The following KANSL1L variants were observed in gnomAD, a reference collection of about 807,000 sequenced individuals.
The protein encoded by KANSL1L is KAT8 regulatory NSL complex subunit 1 like, also known as KAT8 regulatory NSL complex subunit 1-like protein.
In KANSL1L, 25 loss-of-function variants were observed where a neutral mutation model predicts 108.6. The observed-to-expected ratio is 0.23, with a 90% CI of 0.17 to 0.32. The LOEUF (loss-of-function observed/expected upper bound fraction) is 0.32, where lower values mean the gene tolerates loss of function less well. KANSL1L is among the 10% of genes least tolerant of loss of function. The pLI is 1.00. For synonymous variants in KANSL1L, 405 were observed against 395.1 expected, an observed-to-expected ratio of 1.03 and a Z score of -0.30; for missense variants, 1,137 against 1,125.7, an observed-to-expected ratio of 1.01 and a Z score of -0.14.
At chr2:210,056,357 A>G (rs553226416) in intron 6 of KANSL1L, among the ~76,000 whole-genome samples, 1 of 152,308 alleles carries the variant, frequency 6.6e-6, no homozygotes, top group South Asian at 2.1e-4. Context: ...CAAAAGTAAT[A>G]CTTTTATCAT....
intron 5 of KANSL1L, chr2:210,096,578 T>C (rs1263023461): frequency 3.0e-6 from 3 of 984,960 alleles, no homozygotes; most frequent in Non-Finnish European, 3.6e-6. Flanking sequence ...CAAAGTATTA[T>C]CTAAAATGGG....
intron 6 of KANSL1L, among the ~76,000 whole-genome samples, chr2:210,071,485 T>C (rs2125314357): frequency 6.6e-6 from 1 of 152,098 alleles, no homozygotes; most frequent in Non-Finnish European, 1.5e-5. Context: ...GCCAGGCTGG[T>C]TTCAAACTCC....
chr2:210,063,819 G>C (rs923034296), intron 6 of KANSL1L: 1 of 152,140 alleles, frequency 6.6e-6, no homozygotes, highest in African/African-American at 2.4e-5. Context: ...TATTTCGAAT[G>C]AGACTTTGGA....
rs1296420149 is a variant in KANSL1L, at chr2:210,075,543, C to T, written c.1755+9G>A. 6.3e-7 allele frequency: 1 copy of T among 1,589,658 alleles called. No individual in the cohort carries two copies. The highest frequency in any genetic ancestry group is 8.6e-7 in the Non-Finnish European group (1 of 1,159,250). ...TTTGATCATGTTTTCTTCCCAAAGG[C>T]AGCCTTACCTGTGGAGTCCAATAAA... On this transcript the variant is annotated intron_variant, in intron 6 of 14. Transcript: ENST00000281772.
intron 3 of KANSL1L, among the ~76,000 whole-genome samples, chr2:210,112,167 T>C (rs1175646809): frequency 3.3e-5 from 5 of 152,198 alleles, no homozygotes; most frequent in African/African-American, 1.2e-4. Flanking sequence ...AAGTCTTTGC[T>C]ATTGTGAATA....
rs71043966 is a variant in KANSL1L, at chr2:210,022,612, G to GTA, written c.*335_*336dup. ...TTGGCACACAGGTTTGTATGTATGT[G>GTA]TATATATATATGTATGTATGTATGG... On this transcript the variant is annotated 3_prime_UTR_variant, in exon 15 of 15. Coordinates refer to ENST00000281772, the MANE Select transcript of KANSL1L (RefSeq NM_152519.4). 21,341 of 237,792 alleles carry GTA rather than the reference G, an allele frequency of 0.09. 1,087 individuals are homozygous for GTA. Among genetic ancestry groups the GTA allele is most frequent in the African/African-American group, 0.15 (6,466 of 43,406 alleles). The allele number at this position is 237,792 out of a possible 1,614,324, so 14.7% of individuals were successfully genotyped here.
At chr2:210,093,888 A>T (rs1209095748) in intron 5 of KANSL1L, among the ~76,000 whole-genome samples, 10 of 152,162 alleles carry the variant, frequency 6.6e-5, no homozygotes, top group Admixed American at 6.5e-4. Context: ...TTCAGCCTTA[A>T]AAAGGGAATT....
intron 5 of KANSL1L, among the ~76,000 whole-genome samples, chr2:210,078,138 T>C (rs187481923): frequency 6.6e-6 from 1 of 152,302 alleles, no homozygotes; most frequent in Admixed American, 6.5e-5. Flanking sequence ...TGTAGGCAAC[T>C]GTAACATGAT....
intron 6 of KANSL1L, among the ~76,000 whole-genome samples, chr2:210,063,255 A>T (rs767205032): frequency 1.6e-4 from 24 of 152,182 alleles, no homozygotes; most frequent in Non-Finnish European, 2.8e-4. Context: ...ATTTCAGAAG[A>T]TGTATGGAAA....
Position 210,104,173 on chromosome 2 carries a change from A to T in KANSL1L, c.1359T>A (p.Pro453=), listed in dbSNP as rs748305655. Residue 453 remains proline, a synonymous_variant, in exon 4 of 15, where the codon CCT becomes CCA. Transcript: ENST00000281772. ...NPQVPQECQD[P]VPEQDFEMSP... ...ACATTTCAAAATCTTGTTCCGGTAC[A>T]GGATCTTGACACTCCTGGGGAACCT... is the stretch of plus-strand genomic sequence containing the variant. The T allele has an allele frequency of 6.2e-6, 10 of 1,613,934 alleles. No individual in the cohort carries two copies. Among genetic ancestry groups the T allele is most frequent in the Non-Finnish European group, 8.5e-6 (10 of 1,179,932 alleles).
At chr2:210,089,144 T>C (rs1409826257) in intron 5 of KANSL1L, 1 of 152,234 alleles carries the variant, frequency 6.6e-6, no homozygotes, top group East Asian at 1.9e-4. Flanking sequence ...AAGAAGGCAA[T>C]GTGTAATACA....
chr2:210,040,556 T>G, intron 7 of KANSL1L, 29 bp from the exon 8 acceptor site: 9 of 1,013,206 alleles, frequency 8.9e-6, no homozygotes, highest in Non-Finnish European at 1.3e-5. Flanking sequence ...AAAGGTATTT[T>G]CAAATACCAC....
At chr2:210,025,367 C>A in intron 12 of KANSL1L, 151 bp from the exon 13 acceptor site, 1 of 493,816 alleles carries the variant, frequency 2.0e-6, no homozygotes, top group East Asian at 3.9e-5. Flanking sequence ...CCAGCCTGGC[C>A]AAGATGGTGA....
At chr2:210,028,662 A>G in intron 11 of KANSL1L, 183 bp downstream of exon 11, 1 of 474,654 alleles carries the variant, frequency 2.1e-6, no homozygotes. Flanking sequence ...AAACTGAGAA[A>G]TAAAGTTGTG....
chr2:210,154,754 AT>A, intron 1 of KANSL1L, 143 bp from the exon 2 acceptor site: 1 of 442,826 alleles, frequency 2.3e-6, no homozygotes, highest in Non-Finnish European at 3.8e-6. Flanking sequence ...TCCCAACATT[AT>A]TTCAACAAAG....
At chr2:210,122,509 C>T (rs966069931) in intron 3 of KANSL1L, among the ~76,000 whole-genome samples, 1 of 152,110 alleles carries the variant, frequency 6.6e-6, no homozygotes, top group African/African-American at 2.4e-5. Flanking sequence ...CATTTCTTGC[C>T]ATATACAAAA....
Position 210,024,088 on chromosome 2 carries a change from T to G in KANSL1L, c.2678A>C (p.Asn893Thr). ...AASPPGLPSENQDLCAYGLPS... is the reference protein window; with the variant it reads ...AASPPGLPSETQDLCAYGLPS... The stretch of plus-strand genomic sequence containing the variant: ...TAAGCCATATGCACACAGATCCTGG[T>G]TCTCTGAAGGAAGCCCAGGAGGACT... Residue 893 changes from asparagine to threonine, a missense_variant, in exon 14 of 15, where the codon AAC becomes ACC. Asn to Thr is a moderately conservative substitution (Grantham distance 65). This residue lies in a region of KANSL1L where 575 missense variants were observed against 567.1 expected (regional missense o/e 1.01). Coordinates refer to ENST00000281772, the MANE Select transcript of KANSL1L (RefSeq NM_152519.4). 1 of 1,608,016 alleles carries G rather than the reference T, an allele frequency of 6.2e-7. No individual in the cohort carries two copies. The highest frequency in any genetic ancestry group is 1.1e-5 in the South Asian group (1 of 90,290).
At chr2:210,093,411 G>C (rs2094709440) in intron 5 of KANSL1L, among the ~76,000 whole-genome samples, 2 of 152,144 alleles carry the variant, frequency 1.3e-5, no homozygotes, top group African/African-American at 4.8e-5. Flanking sequence ...CTCCCAAAGT[G>C]CTGGGATTAC....
chr2:210,105,262 A>G (rs550598162), intron 3 of KANSL1L, among the ~76,000 whole-genome samples: 12 of 149,776 alleles, frequency 8.0e-5, no homozygotes, highest in Middle Eastern at 3.5e-3. Flanking sequence ...TACCATATAT[A>G]TATTACACAT....
Sources: allele counts gnomAD v4.1 joint callset (sites outside exome capture counted in the v4.1 genomes callset), GRCh38; gene constraint gnomAD v4.1.1; regional missense constraint gnomAD v4.1.1; transcripts MANE v1.5; gene names NCBI Gene and HGNC (gene_info 2026-07-23, HGNC 2026-07-21).